UNC5D: variants seen among roughly 807,000 people sequenced by gnomAD.
UNC5D encodes netrin receptor UNC5D.
Under a neutral mutation model 105.4 loss-of-function variants are expected in UNC5D, and 39 were observed. That is an observed-to-expected ratio of 0.37 (90% CI 0.29 to 0.48). The LOEUF is 0.48. Among genes scored for constraint, UNC5D ranks in the 20% least tolerant of loss-of-function variants. The probability of loss-of-function intolerance (pLI) is 0.98; values close to 1 mark genes in which losing one functional copy is unlikely to be tolerated. For synonymous variants in UNC5D, 452 were observed against 450.4 expected (o/e 1.00, Z -0.04); for missense variants, 991 against 1,202.4 (o/e 0.82, Z 2.60).
chr8:35,586,268 A>G (rs1586187977), intron 3 of UNC5D, among the ~76,000 whole-genome samples: 1 of 152,306 alleles, frequency 6.6e-6, no homozygotes, highest in Middle Eastern at 3.4e-3. Flanking sequence ...AGTGAGACTC[A>G]AGAAAAGAAA....
intron 14 of UNC5D, among the ~76,000 whole-genome samples, chr8:35,765,293 A>T (rs541254199): frequency 6.6e-6 from 1 of 152,188 alleles, no homozygotes; most frequent in African/African-American, 2.4e-5. Flanking sequence ...CCCCTTCCGC[A>T]TGGGGAAGAA....
rs3077002 is a variant in UNC5D at position 35,657,080 on chromosome 8, G to GTATATATATATA, written c.571-26435_571-26424dup. 1.4e-3 allele frequency among the ~76,000 whole-genome samples: 67 copies of GTATATATATATA among 46,492 alleles called. 2 individuals carry two copies. Among genetic ancestry groups the GTATATATATATA allele is most frequent in the Non-Finnish European group, 2.0e-3 (54 of 27,634 alleles). 30.5% of individuals were successfully genotyped at this position (46,492 alleles called of 152,430 possible). On this transcript the variant is annotated intron_variant, in intron 4 of 16. Transcript: ENST00000404895. ...TGTGTGTGTGTGTGTGTGTGTGTGTGTATATATATATATATATATATATAT... is the reference window on the plus strand; with the variant it reads ...TGTGTGTGTGTGTGTGTGTGTGTGTGTATATATATATATATATATATATATATATATATATAT...
In UNC5D at chr8:35,453,339, T is replaced by A. The variant is rs796232561; in HGVS notation, c.104-95953T>A. Among the ~76,000 whole-genome samples the A allele has an allele frequency of 1.1e-3, 166 of 152,188 alleles. 2 individuals carry two copies. The highest frequency in any genetic ancestry group is 3.8e-3 in the African/African-American group (159 of 41,528). On this transcript the variant is annotated intron_variant, in intron 1 of 16. Coordinates refer to ENST00000404895, the MANE Select transcript of UNC5D (RefSeq NM_080872.4). ...ATTTAAGATTTATGAAGCAAAGGTG[T>A]TGTACTGTGAGGGTCTTGAAAAATG...
chr8:35,517,904 A>G (rs1307952028), intron 1 of UNC5D, among the ~76,000 whole-genome samples: 2 of 152,146 alleles, frequency 1.3e-5, no homozygotes, highest in African/African-American at 4.8e-5. Flanking sequence ...AACATCACAT[A>G]GTGGAAGGAA....
At chr8:35,402,130 T>G (rs1804507859) in intron 1 of UNC5D, among the ~76,000 whole-genome samples, 1 of 152,204 alleles carries the variant, frequency 6.6e-6, no homozygotes. Context: ...TCATGCTACG[T>G]GGAGTGGCTT....
At chr8:35,507,437 A>T (rs1309682069) in intron 1 of UNC5D, among the ~76,000 whole-genome samples, 1 of 152,280 alleles carries the variant, frequency 6.6e-6, no homozygotes, top group Non-Finnish European at 1.5e-5. Context: ...GAGGCAGTTT[A>T]TCTTTACCCT....
At position 35,469,021 on chromosome 8, in the gene UNC5D, G is replaced by A. The variant is rs551571328; in HGVS notation, c.104-80271G>A. On this transcript the variant is annotated intron_variant, in intron 1 of 16. Transcript: ENST00000404895. ...ATATTCGTGCCATGTGGAGGTGGGA[G>A]TTGGAGAGGGTGGTAGCTGATATGA... is the stretch of plus-strand genomic sequence containing the variant. Among the ~76,000 whole-genome samples the A allele has an allele frequency of 5.3e-5, 8 of 152,290 alleles. No individual in the cohort carries two copies. In the South Asian group the frequency reaches 1.2e-3, roughly 24 times the overall value.
intron 1 of UNC5D, among the ~76,000 whole-genome samples, chr8:35,275,639 A>G (rs1186425971): frequency 6.6e-6 from 1 of 152,214 alleles, no homozygotes; most frequent in South Asian, 2.1e-4. Context: ...GCCATCTGGC[A>G]TACGTAGAAT....
intron 1 of UNC5D, among the ~76,000 whole-genome samples, chr8:35,404,712 C>T (rs970571400): frequency 3.9e-5 from 6 of 152,030 alleles, no homozygotes; most frequent in African/African-American, 7.2e-5. Context: ...CTCAGCCTCC[C>T]GAGTAGCTGT....
At chr8:35,577,063 GTTTA>G (rs1419313213) in intron 3 of UNC5D, among the ~76,000 whole-genome samples, 2 of 152,036 alleles carry the variant, frequency 1.3e-5, no homozygotes, top group Admixed American at 6.5e-5. Context: ...TTATCTATAT[GTTTA>G]TTTATATAGA....
At position 35,327,355 on chromosome 8, in the gene UNC5D, C is replaced by T. The variant is rs564098881; in HGVS notation, c.103+91468C>T. Among the ~76,000 whole-genome samples the T allele has an allele frequency of 2.6e-5, 4 of 152,332 alleles. No individual in the cohort carries two copies. In the South Asian group the frequency reaches 8.3e-4, roughly 32 times the overall value. ...CTGGAATGCATTTTCTGCATGCCTG[C>T]TTCCCACATTGCATGTTTGTTGACC... On this transcript the variant is annotated intron_variant, in intron 1 of 16. Coordinates refer to ENST00000404895, the MANE Select transcript of UNC5D (RefSeq NM_080872.4).
chr8:35,359,845 C>T lies in UNC5D; in HGVS notation c.103+123958C>T, dbSNP rs369148152. Among the ~76,000 whole-genome samples, 81 of 152,216 alleles carry T rather than the reference C, an allele frequency of 5.3e-4. 1 individual carries two copies. Among genetic ancestry groups the T allele is most frequent in the African/African-American group, 1.8e-3 (74 of 41,558 alleles). On this transcript the variant is annotated intron_variant, in intron 1 of 16. Transcript: ENST00000404895. ...GGAAGTTGGGCTTGATTTGCCCTGC[C>T]TCCAGATCTTTGCTTACTATCTAGA...
chr8:35,567,154 T>G (rs1817404370), intron 2 of UNC5D, among the ~76,000 whole-genome samples: 1 of 152,170 alleles, frequency 6.6e-6, no homozygotes, highest in South Asian at 2.1e-4. Flanking sequence ...AGCCACTCTT[T>G]CTATAAAAAC....
At chr8:35,285,979 A>C (rs1294434864) in intron 1 of UNC5D, among the ~76,000 whole-genome samples, 1 of 150,332 alleles carries the variant, frequency 6.7e-6, no homozygotes, top group Non-Finnish European at 1.5e-5. Context: ...ACAGTTTGTG[A>C]GTATGTCATT....
At chr8:35,404,191 A>G (rs919404631) in intron 1 of UNC5D, among the ~76,000 whole-genome samples, 8 of 152,210 alleles carry the variant, frequency 5.3e-5, no homozygotes, top group African/African-American at 1.7e-4. Context: ...AGGAAAGATA[A>G]CAGTATGTGG....
chr8:35,737,205 C>T (rs945086577), intron 11 of UNC5D, among the ~76,000 whole-genome samples: 8 of 149,568 alleles, frequency 5.3e-5, no homozygotes, highest in African/African-American at 2.0e-4. Flanking sequence ...TTGCTGTCAG[C>T]GGGGAGTTTT....
chr8:35,559,546 G>T (rs765622282), intron 2 of UNC5D, among the ~76,000 whole-genome samples: 1 of 152,204 alleles, frequency 6.6e-6, no homozygotes, highest in Non-Finnish European at 1.5e-5. Flanking sequence ...GTGCAATAAT[G>T]AGTGGTGGAT....
In UNC5D at chr8:35,605,975, T is replaced by C. The variant is rs1023047745; in HGVS notation, c.570+10318T>C. ...TCCTGTACCTTCCCCCTCAGTTTCC[T>C]TTTTTTTTATTTATTTTTTATTTTT... On this transcript the variant is annotated intron_variant, in intron 4 of 16. Coordinates refer to ENST00000404895, the MANE Select transcript of UNC5D (RefSeq NM_080872.4). Among the ~76,000 whole-genome samples, 26 of 146,848 alleles carry C rather than the reference T, an allele frequency of 1.8e-4. 1 individual carries two copies. The highest frequency in any genetic ancestry group is 7.4e-5 in the Non-Finnish European group (5 of 67,630).
At chr8:35,424,808 T>C (rs1002920519) in intron 1 of UNC5D, among the ~76,000 whole-genome samples, 2 of 152,238 alleles carry the variant, frequency 1.3e-5, no homozygotes, top group Non-Finnish European at 2.9e-5. Context: ...TGCTCTGCTC[T>C]TCAGGAGGTA....
Sources: allele counts gnomAD v4.1 joint callset (sites outside exome capture counted in the v4.1 genomes callset), GRCh38; gene constraint gnomAD v4.1.1; transcripts MANE v1.5; gene names NCBI Gene and HGNC (gene_info 2026-07-23, HGNC 2026-07-21).